PCDHGB6: variants seen among roughly 807,000 people sequenced by gnomAD.
The protein encoded by PCDHGB6 is protocadherin gamma subfamily B, 6.
A neutral mutation model predicts 59.1 loss-of-function variants in PCDHGB6; 51 were observed. That is an observed-to-expected ratio of 0.86 (90% confidence interval 0.69 to 1.09). The LOEUF (loss-of-function observed/expected upper bound fraction) is 1.09, where lower values mean the gene tolerates loss of function less well. Among genes scored for constraint, PCDHGB6 ranks in the 50% least tolerant of loss-of-function variants. The probability of loss-of-function intolerance (pLI) is 0.00; values close to 1 mark genes in which losing one functional copy is unlikely to be tolerated. For missense variants in PCDHGB6, 1,148 were observed against 1,205.1 expected (o/e 0.95, Z 0.70); for synonymous variants, 466 against 495.1 (o/e 0.94, Z 0.78).
chr5:141,496,164 C>A (rs745320704), intron 2 of PCDHGB6, among the ~76,000 whole-genome samples: 1 of 152,084 alleles, frequency 6.6e-6, no homozygotes, highest in East Asian at 1.9e-4. Flanking sequence ...CCACCAGACA[C>A]CCTCCCATCC....
chr5:141,476,587 G>A lies in PCDHGB6; in HGVS notation c.2419-18220G>A. ...CTCCGGGGACGCGCTTTCCGCTCGA[G>A]AGCGCGCACGATCCCGATGTGGGAA... On this transcript the variant is annotated intron_variant, in intron 1 of 3. Coordinates refer to ENST00000520790, the MANE Select transcript of PCDHGB6 (RefSeq NM_018926.3). The surrounding 1 kb of genome is among the most constrained non-coding windows in gnomAD (Gnocchi z 7.6). 6.2e-7 allele frequency: 1 copy of A among 1,614,234 alleles called. No homozygotes were observed. The highest frequency in any genetic ancestry group is 1.1e-5 in the South Asian group (1 of 91,086).
At chr5:141,500,244 T>C (rs1426405294) in intron 2 of PCDHGB6, among the ~76,000 whole-genome samples, 1 of 151,640 alleles carries the variant, frequency 6.6e-6, no homozygotes, top group Non-Finnish European at 1.5e-5. Context: ...AGCCTTGCTC[T>C]GTCACCCAGG....
At chr5:141,460,425 G>A (rs953425058) in intron 1 of PCDHGB6, among the ~76,000 whole-genome samples, 3 of 152,114 alleles carry the variant, frequency 2.0e-5, no homozygotes. Flanking sequence ...TATGTATGGT[G>A]TATGGTGTGA....
Position 141,422,656 on chromosome 5 carries a change from G to T in PCDHGB6, c.2418+12036G>T, listed in dbSNP as rs759548203. The T allele has an allele frequency of 7.5e-6, 12 of 1,609,898 alleles. 1 individual carries two copies. The African/African-American group carries it at 1.1e-4, about 14-fold the overall frequency. On this transcript the variant is annotated intron_variant, in intron 1 of 3. Transcript: ENST00000520790. The stretch of plus-strand genomic sequence containing the variant: ...GGGTGCCTCCATCTTCTCAGTGACC[G>T]CCCTCGACCCGGACAGCAAACAGAA...
rs530139788 is a variant in PCDHGB6, at chr5:141,509,165, C to A, written c.2567-1782C>A. On this transcript the variant is annotated intron_variant, in intron 3 of 3. Coordinates refer to ENST00000520790, the MANE Select transcript of PCDHGB6 (RefSeq NM_018926.3). ...TCCCGGCTCTCCCCTCCCGTGTGCC[C>A]TCCTCCTCTTATGCCGGCTTGAAAA... Among the ~76,000 whole-genome samples the A allele has an allele frequency of 1.4e-4, 21 of 152,332 alleles. No individual in the cohort carries two copies. In the South Asian group the frequency reaches 4.1e-3, roughly 30 times the overall value.
chr5:141,486,163 G>A lies in PCDHGB6; in HGVS notation c.2419-8644G>A. 2.5e-6 allele frequency: 4 copies of A among 1,614,212 alleles called. No individual in the cohort carries two copies. Among genetic ancestry groups the A allele is most frequent in the Non-Finnish European group, 3.4e-6 (4 of 1,180,034 alleles). The stretch of plus-strand genomic sequence containing the variant: ...CTCGCGATGGGGGTTCTCCAGCCAT[G>A]GAGCAACATTGCAGCCTTCGAGTGG... On this transcript the variant is annotated intron_variant, in intron 1 of 3. Transcript: ENST00000520790. This position sits in a 1 kb window ranked among gnomAD's most constrained non-coding sequence, Gnocchi z 5.0.
chr5:141,409,953 CCGG>C lies in PCDHGB6; in HGVS notation c.1753_1755del (p.Gly585del), dbSNP rs1418234891. ...GATATGGTACCTCGCTCTGCAGAGC[CCGG>C]CTACCTAGTGACTAAGGTGGTAGCG... is the stretch of plus-strand genomic sequence containing the variant. On this transcript the variant is annotated inframe_deletion, in exon 1 of 4. Transcript: ENST00000520790. The C allele has an allele frequency of 1.2e-6, 2 of 1,613,280 alleles. No homozygotes were observed. Among genetic ancestry groups the C allele is most frequent in the Non-Finnish European group, 1.7e-6 (2 of 1,179,826 alleles).
rs769351399 is a variant in PCDHGB6, at chr5:141,432,649, A to G, written c.2418+22029A>G. The G allele has an allele frequency of 6.2e-7, 1 of 1,613,742 alleles. No homozygotes were observed. The highest frequency in any genetic ancestry group is 1.1e-5 in the South Asian group (1 of 91,054). ...ACACGGGCGAGGTGCGCACGGCGCG[A>G]GCCCTGCTGGACAGAGACGCGCTCA... is the stretch of plus-strand genomic sequence containing the variant. On this transcript the variant is annotated intron_variant, in intron 1 of 3. Coordinates refer to ENST00000520790, the MANE Select transcript of PCDHGB6 (RefSeq NM_018926.3). The surrounding 1 kb of genome is among the most constrained non-coding windows in gnomAD (Gnocchi z 6.0).
chr5:141,476,455 G>C lies in PCDHGB6; in HGVS notation c.2419-18352G>C, dbSNP rs572682842. On this transcript the variant is annotated intron_variant, in intron 1 of 3. Transcript: ENST00000520790. The surrounding 1 kb of genome is among the most constrained non-coding windows in gnomAD (Gnocchi z 7.6). ...CTGTAACTCTGGAGTTGGTAGTGGA[G>C]AACCCGCTGGAGCTGTTCAGCGTGG... 22 of 1,614,152 alleles carry C rather than the reference G, an allele frequency of 1.4e-5. No homozygotes were observed. In the South Asian group the frequency reaches 2.4e-4, roughly 18 times the overall value.
chr5:141,479,631 A>G (rs191955216), intron 1 of PCDHGB6: 1 of 152,282 alleles, frequency 6.6e-6, no homozygotes, highest in Non-Finnish European at 1.5e-5. Context: ...TCTCTTTAAC[A>G]ATAACAACAA....
At chr5:141,461,394 G>A (rs2099014614) in intron 1 of PCDHGB6, among the ~76,000 whole-genome samples, 1 of 152,098 alleles carries the variant, frequency 6.6e-6, no homozygotes. Flanking sequence ...GATTAGCGAT[G>A]TTGAGCATTT....
rs1474827605 is a variant in PCDHGB6, at chr5:141,408,100, G to A, written c.-103G>A. On this transcript the variant is annotated 5_prime_UTR_variant, in exon 1 of 4. Transcript: ENST00000520790. ...CAGCACAGCGGATTGCCAGCTCCGAGACCCGGGACTCCTCCTGTCCTGGGC... is the reference window on the plus strand; with the variant it reads ...CAGCACAGCGGATTGCCAGCTCCGAAACCCGGGACTCCTCCTGTCCTGGGC... The A allele has an allele frequency of 9.7e-6, 14 of 1,438,178 alleles. No individual in the cohort carries two copies. The highest frequency in any genetic ancestry group is 1.4e-5 in the African/African-American group (1 of 69,558). The allele number at this position is 1,438,178 out of a possible 1,614,324, so 89.1% of individuals were successfully genotyped here. A position where few individuals can be genotyped will look rare whatever the true frequency, so the allele number is the denominator to read the frequency against.
At chr5:141,414,802 G>C (rs201378410) in intron 1 of PCDHGB6, 3 of 1,614,108 alleles carry the variant, frequency 1.9e-6, no homozygotes, top group Admixed American at 3.3e-5. Flanking sequence ...CGACAGCGGG[G>C]ATCCTCCACT....
chr5:141,473,944 C>T (rs1279694347), intron 1 of PCDHGB6, among the ~76,000 whole-genome samples: 1 of 152,156 alleles, frequency 6.6e-6, no homozygotes, highest in Non-Finnish European at 1.5e-5. Context: ...TAGCTCAGGC[C>T]TGTAGTCCCA....
At chr5:141,436,053 A>G (rs971342534) in intron 1 of PCDHGB6, among the ~76,000 whole-genome samples, 2 of 152,232 alleles carry the variant, frequency 1.3e-5, no homozygotes, top group African/African-American at 2.4e-5. Flanking sequence ...TAGTTTTCAA[A>G]TAGAATTTAA....
At chr5:141,478,039 G>A (rs764777183) in intron 1 of PCDHGB6, 29 of 1,613,978 alleles carry the variant, frequency 1.8e-5, no homozygotes, top group Non-Finnish European at 2.5e-5. Flanking sequence ...ATTCACCCAG[G>A]CAGACTCTCA....
In PCDHGB6 at chr5:141,490,267, G is replaced by A. The variant is rs765238578; in HGVS notation, c.2419-4540G>A. ...TGTGATTCAAGTGGATGTGGGGGAT[G>A]TCAATGACAATGCCCCAGAGGTGCT... On this transcript the variant is annotated intron_variant, in intron 1 of 3. Transcript: ENST00000520790. The surrounding 1 kb of genome is among the most constrained non-coding windows in gnomAD (Gnocchi z 5.4). The A allele has an allele frequency of 6.2e-7, 1 of 1,614,242 alleles. No homozygotes were observed. The highest frequency in any genetic ancestry group is 1.1e-5 in the South Asian group (1 of 91,084).
At chr5:141,506,735 G>A (rs1467217136) in intron 3 of PCDHGB6, among the ~76,000 whole-genome samples, 1 of 152,098 alleles carries the variant, frequency 6.6e-6, no homozygotes, top group Non-Finnish European at 1.5e-5. Context: ...TTAGAATAAT[G>A]CCTATTAATA....
At position 141,421,815 on chromosome 5, in the gene PCDHGB6, A is replaced by C. The variant is rs746563152; in HGVS notation, c.2418+11195A>C. ...ATGGGGCCAAGAATCCAGAGCTAGTACTGGAGGGAAGCCTGGACCGAGAGA... is the reference window on the plus strand; with the variant it reads ...ATGGGGCCAAGAATCCAGAGCTAGTCCTGGAGGGAAGCCTGGACCGAGAGA... On this transcript the variant is annotated intron_variant, in intron 1 of 3. Coordinates refer to ENST00000520790, the MANE Select transcript of PCDHGB6 (RefSeq NM_018926.3). 4 of 1,613,764 alleles carry C rather than the reference A, an allele frequency of 2.5e-6. No individual in the cohort carries two copies. The South Asian group carries it at 3.3e-5, about 13-fold the overall frequency.
Sources: allele counts gnomAD v4.1 joint callset (sites outside exome capture counted in the v4.1 genomes callset), GRCh38; gene constraint gnomAD v4.1.1; non-coding constraint Gnocchi (gnomAD v3.1); transcripts MANE v1.5; gene names NCBI Gene and HGNC (gene_info 2026-07-23, HGNC 2026-07-21).